Variants in ANKRD17 observed in about 807,000 individuals in gnomAD.
ANKRD17 encodes the protein ankyrin repeat domain 17.
A neutral mutation model predicts 229.7 loss-of-function variants in ANKRD17; 19 were observed. The observed-to-expected ratio is 0.08, with a 90% confidence interval of 0.06 to 0.12. The LOEUF is 0.12. ANKRD17 is among the 10% of genes least tolerant of loss of function. The probability of loss-of-function intolerance (pLI) is 1.00; values close to 1 mark genes in which losing one functional copy is unlikely to be tolerated. For synonymous variants in ANKRD17, 1,112 were observed against 1,146.1 expected (o/e 0.97, Z 0.60); for missense variants, 2,176 against 3,176.8 (o/e 0.68, Z 7.57).
chr4:73,250,612 A>AAAAAAAAAC (rs1744924284), intron 1 of ANKRD17, among the ~76,000 whole-genome samples: 1 of 148,802 alleles, frequency 6.7e-6, no homozygotes, highest in African/African-American at 2.5e-5. Context: ...AAAAAAAAAA[A>AAAAAAAAAC]AAACAGAAAA....
chr4:73,179,488 G>GTGTATATATACA (rs1491132715), intron 1 of ANKRD17, among the ~76,000 whole-genome samples: 1 of 48,240 alleles, frequency 2.1e-5, no homozygotes, highest in African/African-American at 8.8e-5. Flanking sequence ...GTGTGTGTGT[G>GTGTATATATACA]TATATATATA....
intron 1 of ANKRD17, among the ~76,000 whole-genome samples, chr4:73,231,476 T>C (rs917907396): frequency 1.3e-5 from 2 of 152,174 alleles, no homozygotes; most frequent in African/African-American, 4.8e-5. Context: ...AATCTATTCA[T>C]AACAAACCTT....
At chr4:73,202,760 T>C (rs1351837577) in intron 1 of ANKRD17, among the ~76,000 whole-genome samples, 1 of 152,092 alleles carries the variant, frequency 6.6e-6, no homozygotes. Flanking sequence ...AACAATATAA[T>C]ATCACAACAT....
chr4:73,126,343 T>C (rs1477174880), intron 16 of ANKRD17, among the ~76,000 whole-genome samples: 1 of 152,056 alleles, frequency 6.6e-6, no homozygotes, highest in Non-Finnish European at 1.5e-5. Context: ...AGGAATAGTT[T>C]GGTTCCCACC....
chr4:73,156,165 G>T lies in ANKRD17; in HGVS notation c.706C>A (p.Arg236Ser), dbSNP rs777815036. 1 of 1,587,758 alleles carries T rather than the reference G, an allele frequency of 6.3e-7. No homozygotes were observed. The highest frequency in any genetic ancestry group is 8.5e-7 in the Non-Finnish European group (1 of 1,172,784). Residue 236 changes from arginine (R) to serine (S), a missense_variant and splice_region_variant, in exon 4 of 34, where the codon CGC becomes AGC. This residue lies in a region of ANKRD17 where 184 missense variants were observed against 357.8 expected (regional missense o/e 0.51). Coordinates refer to ENST00000358602, the MANE Select transcript of ANKRD17 (RefSeq NM_032217.5). ...TCTGAACAGGCTTCTGCCAAACTGCGGCTATTACGGAAAGAATATCACAAT... is the reference window on the plus strand; with the variant it reads ...TCTGAACAGGCTTCTGCCAAACTGCTGCTATTACGGAAAGAATATCACAAT... ...STANAGQSDN[R>S]SLAEACSEGD... is the part of the protein sequence containing the mutation.
Position 73,140,116 on chromosome 4 carries a change from A to T in ANKRD17, c.2500T>A (p.Ser834Thr). 6.2e-7 allele frequency: 1 copy of T among 1,614,156 alleles called. No homozygotes were observed. The highest frequency in any genetic ancestry group is 8.5e-7 in the Non-Finnish European group (1 of 1,180,020). Residue 834 changes from serine (S) to threonine (T), a missense_variant, in exon 15 of 34, where the codon TCC becomes ACC. This residue lies in a region of ANKRD17 where 275 missense variants were observed against 386.9 expected (regional missense o/e 0.71). Coordinates refer to ENST00000358602, the MANE Select transcript of ANKRD17 (RefSeq NM_032217.5). ...EAIEKNAQLQSLELAHADQLT... is the reference protein window; with the variant it reads ...EAIEKNAQLQTLELAHADQLT... ...TGGTCAGCATGAGCCAGTTCCAAGG[A>T]CTGCAGCTGTGCATTCTTTTCTATG...
At position 73,114,965 on chromosome 4, in the gene ANKRD17, T is replaced by C. The variant is rs532982734; in HGVS notation, c.4284+856A>G. ...AGAAGGTCTCAATTAGGATCTCTAATAGGATTCAGTTTTATCTTCCATAAA... is the reference window on the plus strand; with the variant it reads ...AGAAGGTCTCAATTAGGATCTCTAACAGGATTCAGTTTTATCTTCCATAAA... On this transcript the variant is annotated intron_variant, in intron 23 of 33. Coordinates refer to ENST00000358602, the MANE Select transcript of ANKRD17 (RefSeq NM_032217.5). Among the ~76,000 whole-genome samples the C allele has an allele frequency of 7.9e-4, 120 of 152,332 alleles. 1 individual carries two copies. Among genetic ancestry groups the C allele is most frequent in the Admixed American group, 2.1e-3 (32 of 15,304 alleles).
intron 4 of ANKRD17, 108 bp from the exon 5 acceptor site, chr4:73,155,886 A>G: frequency 6.8e-7 from 1 of 1,474,528 alleles, no homozygotes; most frequent in Non-Finnish European, 9.1e-7. Flanking sequence ...AGCTATAAGC[A>G]CACAAAATTT....
chr4:73,213,031 G>GAAAA (rs11371589), intron 1 of ANKRD17, among the ~76,000 whole-genome samples: 6 of 131,338 alleles, frequency 4.6e-5, no homozygotes, highest in Non-Finnish European at 3.1e-5. Flanking sequence ...CGTTTCAGGG[G>GAAAA]AAAAAAAAAA....
chr4:73,214,639 T>TA (rs148598531), intron 1 of ANKRD17, among the ~76,000 whole-genome samples: 3,049 of 145,938 alleles, frequency 0.021, 98 homozygotes, highest in African/African-American at 0.071. Context: ...AATTTTGTAT[T>TA]AAAAAAAAAA....
intron 1 of ANKRD17, among the ~76,000 whole-genome samples, chr4:73,256,727 A>C (rs1001587832): frequency 9.2e-5 from 14 of 152,216 alleles, no homozygotes; most frequent in Non-Finnish European, 7.3e-5. Flanking sequence ...ACCCCATTAC[A>C]TCTTTCTCTT....
At chr4:73,140,336 C>G (rs1010324957) in intron 14 of ANKRD17, 53 bp from the exon 15 acceptor site, 4 of 1,519,232 alleles carry the variant, frequency 2.6e-6, no homozygotes, top group Non-Finnish European at 2.6e-6. Context: ...ATCCTCATTA[C>G]AGAGTTACTG....
intron 1 of ANKRD17, among the ~76,000 whole-genome samples, chr4:73,179,518 A>ATATATATTTTTTTTTTT (rs1192164276): frequency 4.9e-5 from 2 of 40,786 alleles, no homozygotes; most frequent in Non-Finnish European, 9.2e-5. Context: ...ATATATATAT[A>ATATATATTTTTTTTTTT]TTTTTTTTTT....
chr4:73,195,334 A>C (rs1165523766), intron 1 of ANKRD17, among the ~76,000 whole-genome samples: 1 of 151,946 alleles, frequency 6.6e-6, no homozygotes, highest in Non-Finnish European at 1.5e-5. Context: ...TTTTCTTATA[A>C]TATCTTTGCT....
intron 1 of ANKRD17, among the ~76,000 whole-genome samples, chr4:73,205,548 A>T (rs1425695465): frequency 6.6e-6 from 1 of 152,188 alleles, no homozygotes; most frequent in Non-Finnish European, 1.5e-5. Context: ...CATGCAAAAA[A>T]ATGCAATTAC....
intron 27 of ANKRD17, among the ~76,000 whole-genome samples, chr4:73,095,560 C>G (rs1723202741): frequency 6.7e-6 from 1 of 150,372 alleles, no homozygotes; most frequent in Non-Finnish European, 1.5e-5. Context: ...CGAGATCACG[C>G]CATTGCATTC....
chr4:73,139,425 G>A (rs1729333785), intron 15 of ANKRD17, 106 bp downstream of exon 15: 3 of 1,322,594 alleles, frequency 2.3e-6, no homozygotes, highest in Non-Finnish European at 3.1e-6. Context: ...ACATGAGTCA[G>A]TCCAAAAATA....
At chr4:73,132,853 T>C (rs1728397298) in intron 16 of ANKRD17, among the ~76,000 whole-genome samples, 1 of 152,158 alleles carries the variant, frequency 6.6e-6, no homozygotes. Flanking sequence ...TTTAAAAACA[T>C]TTTTATAAAG....
intron 1 of ANKRD17, among the ~76,000 whole-genome samples, chr4:73,254,645 G>GT (rs368873263): frequency 3.3e-5 from 5 of 152,132 alleles, no homozygotes; most frequent in African/African-American, 1.2e-4. Flanking sequence ...GCGGATGCCT[G>GT]TAATTCCAGC....
Sources: allele counts gnomAD v4.1 joint callset (sites outside exome capture counted in the v4.1 genomes callset), GRCh38; gene constraint gnomAD v4.1.1; regional missense constraint gnomAD v4.1.1; transcripts MANE v1.5; gene names NCBI Gene and HGNC (gene_info 2026-07-23, HGNC 2026-07-21).